The following ZNF44 variants were observed in gnomAD, a reference collection of about 807,000 sequenced individuals.
The protein encoded by ZNF44 is gonadotropin inducible transcription repressor-2.
Under a neutral mutation model 11.7 loss-of-function variants are expected in ZNF44, and 9 were observed. The observed-to-expected ratio is 0.77, with a 90% confidence interval of 0.46 to 1.35. The LOEUF (loss-of-function observed/expected upper bound fraction) is 1.35, where lower values mean the gene tolerates loss of function less well. ZNF44 is among the 40% of genes most tolerant of loss of function. The pLI is 0.00. For synonymous variants in ZNF44, 224 were observed against 242.7 expected (o/e 0.92, Z 0.72); for missense variants, 696 against 743.1 (o/e 0.94, Z 0.74).
chr19:12,266,744 A>G (rs1917747686), intron 5 of ZNF44, among the ~76,000 whole-genome samples: 1 of 152,226 alleles, frequency 6.6e-6, no homozygotes, highest in Non-Finnish European at 1.5e-5. Flanking sequence ...TGCCCTCGCC[A>G]GAGGACATTG....
At chr19:12,225,590 C>G (rs185210020), downstream of ZNF44, among the ~76,000 whole-genome samples, 1 of 152,086 alleles carries the variant, frequency 6.6e-6, no homozygotes, top group Non-Finnish European at 1.5e-5. Flanking sequence ...AATAATTAAG[C>G]GAAATGCTAT....
chr19:12,238,087 C>CGAA (rs1257157325), upstream of ZNF44: 1 of 152,216 alleles, frequency 6.6e-6, no homozygotes, highest in Non-Finnish European at 1.5e-5. Context: ...AAGGCTTCCT[C>CGAA]ATACCTTATC....
chr19:12,272,259 T>C lies in ZNF44; in HGVS notation c.*148A>G. On this transcript the variant is annotated 3_prime_UTR_variant, in exon 4 of 4. Transcript: ENST00000355684. ...GCCTCGTGATCTGCCCTCCTCGGCC[T>C]CTCAAAGTGCTGGGATTACAGGTGT... 3 of 1,294,460 alleles carry C rather than the reference T, an allele frequency of 2.3e-6. No homozygotes were observed. Among genetic ancestry groups the C allele is most frequent in the Non-Finnish European group, 2.9e-6 (3 of 1,019,856 alleles). The allele number at this position is 1,294,460 out of a possible 1,614,324, so 80.2% of individuals were successfully genotyped here.
At chr19:12,266,294 T>A in intron 5 of ZNF44, 1 of 985,038 alleles carries the variant, frequency 1.0e-6, no homozygotes, top group Non-Finnish European at 1.2e-6. Flanking sequence ...GACTCCAGGG[T>A]GTCCCAGCAT....
intron 5 of ZNF44, among the ~76,000 whole-genome samples, chr19:12,257,239 T>C (rs1917298346): frequency 1.3e-5 from 2 of 152,212 alleles, no homozygotes; most frequent in Non-Finnish European, 2.9e-5. Flanking sequence ...CTACCACTTG[T>C]TCATTGGATG....
At chr19:12,227,645 A>G (rs1032943448) in intron 3 of ZNF44, among the ~76,000 whole-genome samples, 1 of 152,240 alleles carries the variant, frequency 6.6e-6, no homozygotes, top group Admixed American at 6.5e-5. Context: ...TAAAGACGCA[A>G]TTGACAAGGA....
intron 5 of ZNF44, among the ~76,000 whole-genome samples, chr19:12,253,695 A>G (rs565938327): frequency 2.8e-4 from 43 of 152,118 alleles, no homozygotes; most frequent in Admixed American, 1.3e-3. Flanking sequence ...AACAGGAAGG[A>G]CAGGCCGAGT....
At chr19:12,239,349 G>C (rs1916521953), upstream of ZNF44, among the ~76,000 whole-genome samples, 1 of 151,410 alleles carries the variant, frequency 6.6e-6, no homozygotes. Context: ...CCTGACCTCA[G>C]GTGGTCTGCC....
chr19:12,225,090 C>T (rs1915861196), downstream of ZNF44: 1 of 152,184 alleles, frequency 6.6e-6, no homozygotes, highest in Non-Finnish European at 1.5e-5. Flanking sequence ...AATGGTGATG[C>T]TTCTGCTCTG....
chr19:12,260,668 C>T, intron 5 of ZNF44: 1 of 591,016 alleles, frequency 1.7e-6, no homozygotes, highest in Non-Finnish European at 3.0e-6. Flanking sequence ...AGGATGTAAA[C>T]CCAGGACCAC....
chr19:12,280,520 A>G (rs1255452557), intron 1 of ZNF44, among the ~76,000 whole-genome samples: 1 of 152,122 alleles, frequency 6.6e-6, no homozygotes, highest in Non-Finnish European at 1.5e-5. Context: ...CTAAAAGGAA[A>G]AAGGGCAGAA....
intron 1 of ZNF44, among the ~76,000 whole-genome samples, chr19:12,279,450 G>A (rs149081596): frequency 6.6e-6 from 1 of 151,988 alleles, no homozygotes; most frequent in East Asian, 1.9e-4. Flanking sequence ...GAGTTACCCA[G>A]TTATAACATT....
intron 5 of ZNF44, chr19:12,250,677 GAA>G (rs1178603082): frequency 4.7e-6 from 2 of 423,874 alleles, no homozygotes; most frequent in African/African-American, 4.1e-5. Flanking sequence ...TTCTTTGTGA[GAA>G]AAACTCATCT....
rs1205630661 is a variant in ZNF44, at chr19:12,260,601, C to CA, written c.1913-10234dup. ...TCTCACCACCAGCCCCTCATGCCCG[C>CA]AAAAAACAAAAACAAAAACAAAAAA... On this transcript the variant is annotated intron_variant and NMD_transcript_variant, in intron 5 of 7. Transcript: ENST00000393337. The CA allele has an allele frequency of 8.7e-5, 55 of 630,300 alleles. 1 individual carries two copies. The South Asian group carries it at 8.8e-4, about 10-fold the overall frequency. The allele number at this position is 630,300 out of a possible 1,614,324, so 39.0% of individuals were successfully genotyped here.
intron 1 of ZNF44, among the ~76,000 whole-genome samples, chr19:12,288,902 C>T (rs1967885419): frequency 6.6e-6 from 1 of 150,584 alleles, no homozygotes; most frequent in African/African-American, 2.5e-5. Context: ...AATTCTGGCT[C>T]CCGCCTTTTT....
intron 5 of ZNF44, among the ~76,000 whole-genome samples, chr19:12,256,947 A>C (rs1378779867): frequency 6.6e-6 from 1 of 152,018 alleles, no homozygotes; most frequent in Non-Finnish European, 1.5e-5. Context: ...ACCTCGAGTG[A>C]TCTTCCCACC....
chr19:12,239,187 A>C (rs1395686575), upstream of ZNF44, among the ~76,000 whole-genome samples: 3 of 151,568 alleles, frequency 2.0e-5, no homozygotes, highest in African/African-American at 7.3e-5. Context: ...ATCTCGGCTC[A>C]CTGCAGCCCC....
At chr19:12,293,379 GAA>G in intron 1 of ZNF44, 1 of 1,535,922 alleles carries the variant, frequency 6.5e-7, no homozygotes, top group Non-Finnish European at 8.7e-7. Flanking sequence ...ACAGGGCCTG[GAA>G]AAGATACAGG....
exon 8 of ZNF44, chr19:12,248,672 A>G (rs918755343): frequency 7.9e-7 from 1 of 1,270,112 alleles, no homozygotes; most frequent in Non-Finnish European, 1.0e-6. Context: ...TCTCTACCAT[A>G]TGATTTCTGT....
Sources: allele counts gnomAD v4.1 joint callset (sites outside exome capture counted in the v4.1 genomes callset), GRCh38; gene constraint gnomAD v4.1.1; transcripts MANE v1.5; gene names NCBI Gene and HGNC (gene_info 2026-07-23, HGNC 2026-07-21).